The following PELI1 variants were observed in gnomAD, a reference collection of about 807,000 sequenced individuals.
The protein encoded by PELI1 is pellino E3 ubiquitin protein ligase 1.
A neutral mutation model predicts 41.3 loss-of-function variants in PELI1; 15 were observed. That is an observed-to-expected ratio of 0.36 (90% CI 0.24 to 0.56). The LOEUF is 0.56. PELI1 is among the 20% of genes least tolerant of loss of function. The pLI, the probability that PELI1 is intolerant of heterozygous loss-of-function variation, is 0.82. For synonymous variants in PELI1, 178 were observed against 180.1 expected, an observed-to-expected ratio of 0.99 and a Z score of 0.09; for missense variants, 403 against 525.5, an observed-to-expected ratio of 0.77 and a Z score of 2.28.
At position 64,113,430 on chromosome 2, in the gene PELI1, T is replaced by C. The variant is rs1558478846; in HGVS notation, c.-69-5051A>G. Among the ~76,000 whole-genome samples the C allele has an allele frequency of 1.3e-5, 2 of 152,222 alleles. 1 individual carries two copies. Among genetic ancestry groups the C allele is most frequent in the Non-Finnish European group, 2.9e-5 (2 of 68,038 alleles). On this transcript the variant is annotated intron_variant, in intron 1 of 6. Transcript: ENST00000358912. ...TCAATTAAGTTAGTTTGACCTCATG[T>C]ATTCAGCCCTATCCCAATGTTATCT...
chr2:64,141,294 CAT>C (rs1681904589), intron 1 of PELI1, among the ~76,000 whole-genome samples: 1 of 147,806 alleles, frequency 6.8e-6, no homozygotes, highest in Non-Finnish European at 1.5e-5. Context: ...TTTGGAATAA[CAT>C]GTTTCCCGCC....
rs1326420941 is a variant in PELI1 at position 64,096,109 on chromosome 2, A to C, written c.690+16T>G. The C allele has an allele frequency of 6.3e-7, 1 of 1,577,438 alleles. No individual in the cohort carries two copies. Among genetic ancestry groups the C allele is most frequent in the Non-Finnish European group, 8.7e-7 (1 of 1,150,118 alleles). ...GTTTATTGTAGCTAATTAAGAAAATACCATTCAGTATTTACCATTTTTCCT... is the reference window on the plus strand; with the variant it reads ...GTTTATTGTAGCTAATTAAGAAAATCCCATTCAGTATTTACCATTTTTCCT... On this transcript the variant is annotated intron_variant, in intron 6 of 6. Coordinates refer to ENST00000358912, the MANE Select transcript of PELI1 (RefSeq NM_020651.4).
intron 1 of PELI1, among the ~76,000 whole-genome samples, chr2:64,112,453 G>C (rs1373348914): frequency 6.6e-6 from 1 of 152,142 alleles, no homozygotes; most frequent in East Asian, 1.9e-4. Flanking sequence ...GCTTAGACAA[G>C]AAACTAAAAA....
chr2:64,099,153 A>G (rs1680337526), intron 4 of PELI1, among the ~76,000 whole-genome samples: 2 of 147,166 alleles, frequency 1.4e-5, no homozygotes, highest in Non-Finnish European at 1.5e-5. Flanking sequence ...CTGTGACCAA[A>G]TATCTTGGAG....
At chr2:64,099,201 C>CACACACAT (rs765141638) in intron 4 of PELI1, among the ~76,000 whole-genome samples, 55 of 149,582 alleles carry the variant, frequency 3.7e-4, no homozygotes, top group African/African-American at 1.4e-3. Context: ...CACACACACA[C>CACACACAT]ATATATATTT....
chr2:64,123,737 G>A (rs186674538), intron 1 of PELI1, among the ~76,000 whole-genome samples: 1 of 152,158 alleles, frequency 6.6e-6, no homozygotes, highest in East Asian at 1.9e-4. Context: ...CACTCTGGCA[G>A]TTCCTCCAGA....
In PELI1 at chr2:64,094,884, G is replaced by T. The variant is rs755767116; in HGVS notation, c.1075C>A (p.Pro359Thr). The part of the protein sequence containing the change: ...CEAGFYVDAG[P>T]PTHAFSPCGH... ...CACGGGCTAAACGCATGGGTTGGAG[G>T]GCCGGCGTCCACATAAAATCCAGCT... The change falls in exon 7 of 7, where the codon CCT (proline) becomes ACT (threonine). Residue 359 changes from proline to threonine, a missense_variant. Physicochemically the swap from Pro to Thr is conservative, Grantham distance 38. Transcript: ENST00000358912. The T allele has an allele frequency of 2.5e-6, 4 of 1,614,174 alleles. No homozygotes were observed. The highest frequency in any genetic ancestry group is 2.2e-5 in the South Asian group (2 of 91,078).
At chr2:64,116,981 A>G (rs1385163363) in intron 1 of PELI1, among the ~76,000 whole-genome samples, 1 of 152,114 alleles carries the variant, frequency 6.6e-6, no homozygotes, top group Non-Finnish European at 1.5e-5. Context: ...TACTGTTATA[A>G]CTGTTTGGGG....
At chr2:64,112,391 T>TA (rs1179512992) in intron 1 of PELI1, among the ~76,000 whole-genome samples, 1 of 152,088 alleles carries the variant, frequency 6.6e-6, no homozygotes, top group African/African-American at 2.4e-5. Context: ...GTAACGTGCA[T>TA]AACACTATAG....
intron 1 of PELI1, among the ~76,000 whole-genome samples, chr2:64,115,329 G>A (rs989633728): frequency 6.6e-6 from 1 of 152,164 alleles, no homozygotes; most frequent in Non-Finnish European, 1.5e-5. Flanking sequence ...ATTAAAAGCA[G>A]GTTTTGGCAA....
chr2:64,125,092 C>T (rs1228198571), intron 1 of PELI1, among the ~76,000 whole-genome samples: 2 of 38,500 alleles, frequency 5.2e-5, no homozygotes, highest in Admixed American at 3.1e-4. Flanking sequence ...GGGGTGGGGG[C>T]GGGGGCGCGG....
At chr2:64,102,315 T>C (rs970285046) in intron 3 of PELI1, among the ~76,000 whole-genome samples, 1 of 152,080 alleles carries the variant, frequency 6.6e-6, no homozygotes, top group Non-Finnish European at 1.5e-5. Flanking sequence ...TTTTACAAGT[T>C]TTAAACATAT....
Position 64,108,340 on chromosome 2 carries a change from T to A in PELI1, c.-30A>T. The A allele has an allele frequency of 7.0e-7, 1 of 1,432,118 alleles. No homozygotes were observed. The highest frequency in any genetic ancestry group is 9.9e-7 in the Non-Finnish European group (1 of 1,014,414). 88.7% of individuals were successfully genotyped at this position (1,432,118 alleles called of 1,614,324 possible). On this transcript the variant is annotated 5_prime_UTR_variant, in exon 2 of 7. Coordinates refer to ENST00000358912, the MANE Select transcript of PELI1 (RefSeq NM_020651.4). ...TTGGCTGTCTTTCTCAAATCTTTGT[T>A]CACTGGTCAGGAGCCTTGGGACACC...
chr2:64,130,125 T>G (rs1392260420), intron 1 of PELI1, among the ~76,000 whole-genome samples: 1 of 152,132 alleles, frequency 6.6e-6, no homozygotes, highest in Non-Finnish European at 1.5e-5. Flanking sequence ...TCTTCCCAAC[T>G]TTTCCCCCCA....
rs1480281586 is a variant in PELI1 at position 64,095,038 on chromosome 2, T to C, written c.921A>G (p.Val307=). The change falls in exon 7 of 7, where the codon GTA becomes GTG. Residue 307 remains valine (V), a synonymous_variant. Transcript: ENST00000358912. ...KDVVDEKQPW[V]YLNCGHVHGY... ...CATGTACATGGCCGCAGTTTAGATA[T>C]ACCCATGGTTGTTTTTCATCTACAA... 6 of 1,613,994 alleles carry C rather than the reference T, an allele frequency of 3.7e-6. No individual in the cohort carries two copies. Among genetic ancestry groups the C allele is most frequent in the African/African-American group, 1.3e-5 (1 of 74,948 alleles).
chr2:64,140,720 T>C (rs887689347), intron 1 of PELI1, among the ~76,000 whole-genome samples: 2 of 146,060 alleles, frequency 1.4e-5, no homozygotes, highest in African/African-American at 2.6e-5. Flanking sequence ...CTACTAAACA[T>C]AGTATGTTAG....
intron 1 of PELI1, among the ~76,000 whole-genome samples, chr2:64,139,972 G>C (rs1293663862): frequency 6.6e-6 from 1 of 152,130 alleles, no homozygotes; most frequent in Non-Finnish European, 1.5e-5. Flanking sequence ...ATTGCACCTT[G>C]TATGTTGAAA....
At chr2:64,142,173 T>C (rs1200029498) in intron 1 of PELI1, among the ~76,000 whole-genome samples, 3 of 152,166 alleles carry the variant, frequency 2.0e-5, no homozygotes, top group Admixed American at 6.5e-5. Context: ...CATGAGACAC[T>C]ATAACCACTT....
intron 4 of PELI1, 23 bp from the exon 5 acceptor site, chr2:64,096,633 T>A: frequency 6.6e-7 from 1 of 1,508,188 alleles, no homozygotes; most frequent in Non-Finnish European, 9.2e-7. Flanking sequence ...AAAAAATACC[T>A]ATAAACCCAT....
Sources: gnomAD v4.1 joint callset for allele counts (sites outside exome capture counted in the v4.1 genomes callset) on GRCh38, gnomAD v4.1.1 for gene constraint, MANE v1.5 for transcripts, NCBI Gene and HGNC (gene_info 2026-07-23, HGNC 2026-07-21) for gene names.